ATG10: variants seen among roughly 807,000 people sequenced by gnomAD.
ATG10 encodes the protein autophagy related 10, also known as ubiquitin-like-conjugating enzyme ATG10.
Under a neutral mutation model 32.1 loss-of-function variants are expected in ATG10, and 30 were observed. That is an observed-to-expected ratio of 0.94 (90% CI 0.70 to 1.27). The LOEUF is 1.27. ATG10 is among the 50% of genes most tolerant of loss of function. The pLI is 0.00. For missense variants in ATG10, 233 were observed against 262.3 expected, an observed-to-expected ratio of 0.89 and a Z score of 0.77; for synonymous variants, 87 against 91.5, an observed-to-expected ratio of 0.95 and a Z score of 0.28.
At chr5:82,224,182 C>G (rs985052526) in intron 5 of ATG10, among the ~76,000 whole-genome samples, 11 of 152,164 alleles carry the variant, frequency 7.2e-5, no homozygotes, top group African/African-American at 2.2e-4. Context: ...AGCCCCCACT[C>G]TTTTCTGTGA....
chr5:82,039,738 T>G (rs186655606), intron 2 of ATG10, among the ~76,000 whole-genome samples: 1 of 152,378 alleles, frequency 6.6e-6, no homozygotes, highest in East Asian at 1.9e-4. Flanking sequence ...CAATTCATGT[T>G]TCAGCTATGT....
At chr5:82,051,780 C>T (rs1013409771) in intron 2 of ATG10, among the ~76,000 whole-genome samples, 3 of 152,110 alleles carry the variant, frequency 2.0e-5, no homozygotes, top group Non-Finnish European at 4.4e-5. Flanking sequence ...TCTTCTACAT[C>T]CATAACAGTT....
intron 3 of ATG10, among the ~76,000 whole-genome samples, chr5:82,154,669 A>G (rs975744817): frequency 1.3e-5 from 2 of 152,176 alleles, no homozygotes; most frequent in African/African-American, 4.8e-5. Flanking sequence ...TTGAATCCCA[A>G]TAGAAAGCTG....
intron 3 of ATG10, among the ~76,000 whole-genome samples, chr5:82,136,554 C>T (rs1212246856): frequency 2.0e-5 from 3 of 152,102 alleles, no homozygotes; most frequent in South Asian, 2.1e-4. Context: ...AATATTGGTC[C>T]CTACTCTCTT....
intron 2 of ATG10, among the ~76,000 whole-genome samples, chr5:82,042,857 A>G (rs1289722207): frequency 3.3e-5 from 5 of 152,170 alleles, no homozygotes; most frequent in Admixed American, 1.3e-4. Flanking sequence ...GTGGCTCTGC[A>G]GGATACAGCT....
chr5:82,216,287 G>A lies in ATG10; in HGVS notation c.454-36275G>A, dbSNP rs949247540. Among the ~76,000 whole-genome samples the A allele has an allele frequency of 5.3e-5, 8 of 152,278 alleles. No homozygotes were observed. The East Asian group carries it at 1.3e-3, about 26-fold the overall frequency. The stretch of plus-strand genomic sequence containing the variant: ...GATTCAACTTAGTGAATTTCGCTCT[G>A]GCCTGGAGCCACCCTGGCTTAAGAC... On this transcript the variant is annotated intron_variant, in intron 5 of 7. Transcript: ENST00000282185.
chr5:82,100,208 T>C (rs1017478826), intron 3 of ATG10, among the ~76,000 whole-genome samples: 1 of 151,942 alleles, frequency 6.6e-6, no homozygotes. Context: ...GGTTTCACCA[T>C]GTTGGCCAGG....
At chr5:82,164,303 G>T in intron 3 of ATG10, 96 bp from the exon 4 acceptor site, 2 of 1,238,004 alleles carry the variant, frequency 1.6e-6, no homozygotes, top group Non-Finnish European at 1.2e-6. Context: ...TTATTTAACT[G>T]TTATTTTGTG....
intron 3 of ATG10, among the ~76,000 whole-genome samples, chr5:82,158,355 C>T (rs112207089): frequency 4.5e-4 from 68 of 151,068 alleles, no homozygotes; most frequent in African/African-American, 1.1e-3. Context: ...GCTGCCCCCC[C>T]GCCCCCCATC....
At chr5:82,142,293 C>T (rs1179581505) in intron 3 of ATG10, among the ~76,000 whole-genome samples, 3 of 151,994 alleles carry the variant, frequency 2.0e-5, no homozygotes, top group Non-Finnish European at 4.4e-5. Context: ...TGTACTAGTA[C>T]GATGTTTGTG....
At chr5:82,101,485 G>A (rs983108664) in intron 3 of ATG10, among the ~76,000 whole-genome samples, 1 of 152,176 alleles carries the variant, frequency 6.6e-6, no homozygotes, top group Admixed American at 6.6e-5. Context: ...TAGTTTTCTA[G>A]CTAGGTGTAT....
At chr5:82,118,980 A>T (rs1260347725) in intron 3 of ATG10, among the ~76,000 whole-genome samples, 2 of 152,178 alleles carry the variant, frequency 1.3e-5, no homozygotes, top group Non-Finnish European at 2.9e-5. Flanking sequence ...GAATTCCTGA[A>T]AGAGTTTTAG....
intron 3 of ATG10, among the ~76,000 whole-genome samples, chr5:82,096,849 C>T (rs1765082617): frequency 6.6e-6 from 1 of 152,152 alleles, no homozygotes; most frequent in African/African-American, 2.4e-5. Context: ...TCCACTGCCC[C>T]AATCCTTTTT....
chr5:82,128,425 C>G (rs975947422), intron 3 of ATG10, among the ~76,000 whole-genome samples: 1 of 151,552 alleles, frequency 6.6e-6, no homozygotes, highest in Non-Finnish European at 1.5e-5. Context: ...GTGGCTGGTA[C>G]TGGTTTTTCC....
chr5:82,097,180 A>G (rs1397783941), intron 3 of ATG10, among the ~76,000 whole-genome samples: 1 of 152,154 alleles, frequency 6.6e-6, no homozygotes, highest in Admixed American at 6.5e-5. Flanking sequence ...AATGCTGTCT[A>G]AATACAAATT....
In ATG10 at chr5:82,255,711, G is replaced by A. The variant is rs1266379880; in HGVS notation, c.*1648G>A. On this transcript the variant is annotated 3_prime_UTR_variant, in exon 8 of 8. Coordinates refer to ENST00000282185, the MANE Select transcript of ATG10 (RefSeq NM_031482.5). The stretch of plus-strand genomic sequence containing the variant: ...AACTTGCTTCCTAATGTTTGTCTAG[G>A]CCTTACATGGATAGTAAGGAAGCTT... 1 of 152,140 alleles carries A rather than the reference G, an allele frequency of 6.6e-6. No homozygotes were observed. The highest frequency in any genetic ancestry group is 1.5e-5 in the Non-Finnish European group (1 of 68,036). 9.4% of individuals were successfully genotyped at this position (152,140 alleles called of 1,614,324 possible).
At chr5:82,051,457 C>T (rs762441271) in intron 2 of ATG10, among the ~76,000 whole-genome samples, 6 of 152,126 alleles carry the variant, frequency 3.9e-5, no homozygotes, top group Non-Finnish European at 7.4e-5. Context: ...AAATTAAAGA[C>T]GTGCAAATTT....
chr5:82,047,496 T>C (rs1279408614), intron 2 of ATG10, among the ~76,000 whole-genome samples: 3 of 152,224 alleles, frequency 2.0e-5, no homozygotes, highest in Admixed American at 2.0e-4. Flanking sequence ...TTATTTAAAC[T>C]GTAATAATTC....
intron 3 of ATG10, among the ~76,000 whole-genome samples, chr5:82,105,117 G>A (rs946089760): frequency 6.6e-6 from 1 of 152,048 alleles, no homozygotes; most frequent in East Asian, 1.9e-4. Context: ...TACAGAACTT[G>A]TTCAGTAATT....
Sources: gnomAD v4.1 joint callset for allele counts (sites outside exome capture counted in the v4.1 genomes callset) on GRCh38, gnomAD v4.1.1 for gene constraint, MANE v1.5 for transcripts, NCBI Gene and HGNC (gene_info 2026-07-23, HGNC 2026-07-21) for gene names.